PCDHGA7: variants seen among roughly 807,000 people sequenced by gnomAD.
The protein encoded by PCDHGA7 is protocadherin gamma subfamily A, 7.
A neutral mutation model predicts 58.3 loss-of-function variants in PCDHGA7; 44 were observed. The observed-to-expected ratio is 0.75, with a 90% CI of 0.59 to 0.97. PCDHGA7 has a LOEUF of 0.97. PCDHGA7 is among the 50% of genes least tolerant of loss of function. PCDHGA7 has a pLI of 0.00. For synonymous variants in PCDHGA7, 516 were observed against 504.2 expected (o/e 1.02, Z -0.31); for missense variants, 1,266 against 1,188.7 (o/e 1.06, Z -0.96).
Position 141,431,910 on chromosome 5 carries a change from G to A in PCDHGA7, c.2424+46587G>A. The A allele has an allele frequency of 6.2e-7, 1 of 1,614,096 alleles. No individual in the cohort carries two copies. Among genetic ancestry groups the A allele is most frequent in the Non-Finnish European group, 8.5e-7 (1 of 1,179,934 alleles). On this transcript the variant is annotated intron_variant, in intron 1 of 3. Transcript: ENST00000518325. This position sits in a 1 kb window ranked among gnomAD's most constrained non-coding sequence, Gnocchi z 4.8. ...TCTGAGGAAAACGGACAGGTGATCTGTTTCATCCAAGGAAATCTGCCCTTT... is the reference window on the plus strand; with the variant it reads ...TCTGAGGAAAACGGACAGGTGATCTATTTCATCCAAGGAAATCTGCCCTTT...
chr5:141,419,386 G>A (rs2096372901), intron 1 of PCDHGA7: 1 of 1,613,650 alleles, frequency 6.2e-7, no homozygotes, highest in Non-Finnish European at 8.5e-7. Context: ...CCGTGAGCGC[G>A]CAGAGCGGGG....
intron 1 of PCDHGA7, among the ~76,000 whole-genome samples, chr5:141,449,391 G>A (rs1020753910): frequency 1.3e-5 from 2 of 151,876 alleles, no homozygotes; most frequent in Non-Finnish European, 2.9e-5. Context: ...TGGATTACTT[G>A]AGGCCAGGAG....
At chr5:141,398,575 A>G in intron 1 of PCDHGA7, 1 of 1,614,046 alleles carries the variant, frequency 6.2e-7, no homozygotes, top group South Asian at 1.1e-5. Flanking sequence ...ACAGCCTGGC[A>G]CAAGATTTAT....
chr5:141,421,388 G>A (rs369403750), intron 1 of PCDHGA7: 1 of 1,613,934 alleles, frequency 6.2e-7, no homozygotes, highest in Non-Finnish European at 8.5e-7. Context: ...AAGGACCTGG[G>A]GCTGGAGCCC....
intron 1 of PCDHGA7, among the ~76,000 whole-genome samples, chr5:141,482,435 A>G (rs2099559555): frequency 6.6e-6 from 1 of 150,568 alleles, no homozygotes; most frequent in South Asian, 2.1e-4. Flanking sequence ...GATAATACTG[A>G]TATTCACCAT....
rs1412247634 is a variant in PCDHGA7, at chr5:141,391,586, A to AAT, written c.2424+6267_2424+6268dup. 2.0e-5 allele frequency: 3 copies of AAT among 152,352 alleles called. No homozygotes were observed. In the South Asian group the frequency reaches 6.2e-4, roughly 32 times the overall value. The allele number at this position is 152,352 out of a possible 1,614,324, so 9.4% of individuals were successfully genotyped here. ...GCATAAGAAAATATATTCACAGGAA[A>AAT]ATATAAAGTTTTCAGATTTCATGAG... On this transcript the variant is annotated intron_variant, in intron 1 of 3. Coordinates refer to ENST00000518325, the MANE Select transcript of PCDHGA7 (RefSeq NM_018920.4).
chr5:141,451,536 G>A (rs1183287437), intron 1 of PCDHGA7, among the ~76,000 whole-genome samples: 1 of 152,202 alleles, frequency 6.6e-6, no homozygotes, highest in Non-Finnish European at 1.5e-5. Context: ...GAGAGTGCCA[G>A]AGAGGGCAAA....
intron 1 of PCDHGA7, chr5:141,422,519 C>T (rs1297821851): frequency 6.2e-7 from 1 of 1,613,968 alleles, no homozygotes; most frequent in African/African-American, 1.3e-5. Context: ...CAGGGAAGCC[C>T]GCCTTTGTCT....
At chr5:141,492,265 G>C (rs1363279754) in intron 1 of PCDHGA7, among the ~76,000 whole-genome samples, 1 of 152,180 alleles carries the variant, frequency 6.6e-6, no homozygotes, top group Non-Finnish European at 1.5e-5. Flanking sequence ...CAAGTTGCAC[G>C]GGCTCGCCAC....
intron 1 of PCDHGA7, chr5:141,419,557 G>T: frequency 2.5e-6 from 4 of 1,611,872 alleles, no homozygotes; most frequent in Middle Eastern, 1.7e-4. Context: ...TGTACCCTGC[G>T]CTGGGTCCCG....
chr5:141,496,140 T>C (rs1172903212), intron 2 of PCDHGA7, among the ~76,000 whole-genome samples: 1 of 152,006 alleles, frequency 6.6e-6, no homozygotes, highest in Admixed American at 6.6e-5. Flanking sequence ...CACTGAGCCT[T>C]TGATCGCAGC....
chr5:141,438,152 G>A (rs184819165), intron 1 of PCDHGA7, among the ~76,000 whole-genome samples: 1 of 152,250 alleles, frequency 6.6e-6, no homozygotes, highest in African/African-American at 2.4e-5. Flanking sequence ...CCAGCCTATG[G>A]CAAAGCTAAT....
chr5:141,427,937 C>T, intron 1 of PCDHGA7: 1 of 1,584,566 alleles, frequency 6.3e-7, no homozygotes, highest in African/African-American at 1.3e-5. Flanking sequence ...TGTTGGTGGG[C>T]GACCTCAATG....
Position 141,490,151 on chromosome 5 carries a change from T to A in PCDHGA7, c.2425-4656T>A, listed in dbSNP as rs1449636059. 6.2e-6 allele frequency: 10 copies of A among 1,614,210 alleles called. No homozygotes were observed. The highest frequency in any genetic ancestry group is 8.5e-6 in the Non-Finnish European group (10 of 1,180,018). On this transcript the variant is annotated intron_variant, in intron 1 of 3. Transcript: ENST00000518325. This position sits in a 1 kb window ranked among gnomAD's most constrained non-coding sequence, Gnocchi z 5.4. ...GACCCTAGCAGTGGGGCAATCCATG[T>A]GTTGGGTCCCATAGACTTTGAGGAG... is the stretch of plus-strand genomic sequence containing the variant.
intron 1 of PCDHGA7, chr5:141,478,043 A>G (rs1399496347): frequency 7.4e-6 from 12 of 1,613,710 alleles, no homozygotes; most frequent in Non-Finnish European, 1.0e-5. Flanking sequence ...ACCCAGGCAG[A>G]CTCTCACGGT....
intron 1 of PCDHGA7, chr5:141,426,336 C>T (rs779025306): frequency 1.7e-4 from 31 of 187,682 alleles, no homozygotes; most frequent in Non-Finnish European, 2.8e-4. Context: ...GGCAAGCACT[C>T]TTCCCTTTCC....
intron 1 of PCDHGA7, chr5:141,400,209 G>C: frequency 3.1e-6 from 5 of 1,614,052 alleles, no homozygotes; most frequent in Non-Finnish European, 4.2e-6. Context: ...CCTTGGCCTT[G>C]ATCTCAGTGC....
At position 141,437,148 on chromosome 5, in the gene PCDHGA7, A is replaced by T. The variant is rs1196014608; in HGVS notation, c.2424+51825A>T. ...GTTGATAATTTAGGATTCATAATTA[A>T]CATATGTGTTGATTGTTTTCTGAGA... is the stretch of plus-strand genomic sequence containing the variant. On this transcript the variant is annotated intron_variant, in intron 1 of 3. Coordinates refer to ENST00000518325, the MANE Select transcript of PCDHGA7 (RefSeq NM_018920.4). Among the ~76,000 whole-genome samples the T allele has an allele frequency of 2.0e-5, 3 of 152,214 alleles. No individual in the cohort carries two copies. In the East Asian group the frequency reaches 5.8e-4, roughly 29 times the overall value.
intron 1 of PCDHGA7, among the ~76,000 whole-genome samples, chr5:141,483,767 T>C (rs2099586826): frequency 6.6e-6 from 1 of 151,840 alleles, no homozygotes; most frequent in Non-Finnish European, 1.5e-5. Flanking sequence ...CTTGGAAAAA[T>C]ATTGGGGAAG....
Sources: gnomAD v4.1 joint callset for allele counts (sites outside exome capture counted in the v4.1 genomes callset) on GRCh38, gnomAD v4.1.1 for gene constraint, Gnocchi (gnomAD v3.1) non-coding constraint, MANE v1.5 for transcripts, NCBI Gene and HGNC (gene_info 2026-07-23, HGNC 2026-07-21) for gene names.